ACBD6: variants seen among roughly 807,000 people sequenced by gnomAD.
The protein encoded by ACBD6 is acyl-CoA binding domain containing 6, also known as acyl-CoA-binding domain-containing protein 6.
ACBD6 carries 28 observed loss-of-function variants against 37.2 expected under a neutral mutation model. The observed-to-expected ratio is 0.75, with a 90% CI of 0.56 to 1.03. The LOEUF is 1.03. Among genes scored for constraint, ACBD6 ranks in the 50% least tolerant of loss-of-function variants. The pLI is 0.00. For synonymous variants in ACBD6, 113 were observed against 126.8 expected, an observed-to-expected ratio of 0.89 and a Z score of 0.73; for missense variants, 340 against 337.4, an observed-to-expected ratio of 1.01 and a Z score of -0.06.
intron 6 of ACBD6, among the ~76,000 whole-genome samples, chr1:180,376,442 A>G (rs1174454466): frequency 6.6e-6 from 1 of 152,218 alleles, no homozygotes; most frequent in Non-Finnish European, 1.5e-5. Flanking sequence ...TGCCCACAGA[A>G]TAGGAGAGTG....
chr1:180,304,512 A>G (rs1398572240), intron 7 of ACBD6, among the ~76,000 whole-genome samples: 7 of 150,796 alleles, frequency 4.6e-5, no homozygotes, highest in Non-Finnish European at 5.9e-5. Flanking sequence ...AACTGCTTCA[A>G]AGAGAATAAA....
At chr1:180,452,466 A>C (rs1649749928) in intron 3 of ACBD6, among the ~76,000 whole-genome samples, 1 of 151,608 alleles carries the variant, frequency 6.6e-6, no homozygotes, top group Non-Finnish European at 1.5e-5. Context: ...GTGAGACTCC[A>C]TCTCAAAAAA....
chr1:180,479,704 A>G (rs1650948743), intron 3 of ACBD6, among the ~76,000 whole-genome samples: 1 of 152,146 alleles, frequency 6.6e-6, no homozygotes, highest in Admixed American at 6.5e-5. Context: ...ATTTGTAGGA[A>G]AATACAAGCA....
At chr1:180,496,781 GAAGA>G (rs1364135518) in intron 1 of ACBD6, among the ~76,000 whole-genome samples, 2 of 152,262 alleles carry the variant, frequency 1.3e-5, no homozygotes, top group South Asian at 2.1e-4. Context: ...GGAATAGAGA[GAAGA>G]AAGGGTGAAA....
intron 6 of ACBD6, among the ~76,000 whole-genome samples, chr1:180,360,895 A>G (rs1326412892): frequency 6.6e-6 from 1 of 152,144 alleles, no homozygotes; most frequent in Non-Finnish European, 1.5e-5. Context: ...TTTTCCATCA[A>G]CGGATGTGTT....
chr1:180,382,761 A>G (rs1320954409), intron 6 of ACBD6, among the ~76,000 whole-genome samples: 1 of 152,232 alleles, frequency 6.6e-6, no homozygotes. Flanking sequence ...AAAAAAGAAA[A>G]CTACAGGCCA....
chr1:180,472,511 G>A (rs1036736620), intron 3 of ACBD6, among the ~76,000 whole-genome samples: 6 of 152,086 alleles, frequency 3.9e-5, no homozygotes, highest in African/African-American at 1.4e-4. Context: ...ACAAAGGCAG[G>A]CTGGGTGGTT....
chr1:180,299,920 A>G (rs1248434113), intron 7 of ACBD6, among the ~76,000 whole-genome samples: 1 of 152,212 alleles, frequency 6.6e-6, no homozygotes, highest in East Asian at 1.9e-4. Flanking sequence ...CAGGTAAAAT[A>G]TAGGCACATA....
intron 2 of ACBD6, among the ~76,000 whole-genome samples, chr1:180,493,781 T>C (rs1651620508): frequency 6.6e-6 from 1 of 152,184 alleles, no homozygotes; most frequent in African/African-American, 2.4e-5. Flanking sequence ...ACACACAGCA[T>C]TGAGTTTCAT....
At chr1:180,398,492 A>G (rs1227537733) in intron 5 of ACBD6, among the ~76,000 whole-genome samples, 1 of 152,186 alleles carries the variant, frequency 6.6e-6, no homozygotes, top group African/African-American at 2.4e-5. Context: ...TACCTCAAAA[A>G]CACTAGTACA....
chr1:180,424,412 G>A (rs536232465), intron 4 of ACBD6, among the ~76,000 whole-genome samples: 72 of 152,064 alleles, frequency 4.7e-4, no homozygotes, highest in African/African-American at 1.5e-3. Flanking sequence ...CATACCCTAC[G>A]TGTCAATTAA....
At chr1:180,365,275 C>T (rs913625989) in intron 6 of ACBD6, among the ~76,000 whole-genome samples, 3 of 152,158 alleles carry the variant, frequency 2.0e-5, no homozygotes, top group Non-Finnish European at 4.4e-5. Flanking sequence ...GATAGAAGAA[C>T]GTGCCCACGA....
intron 3 of ACBD6, among the ~76,000 whole-genome samples, chr1:180,461,511 G>C (rs556986653): frequency 6.6e-6 from 1 of 152,270 alleles, no homozygotes; most frequent in East Asian, 1.9e-4. Context: ...AAGGCAGCCA[G>C]AGAGAAAGGC....
At chr1:180,289,822 T>C (rs1442398530) in intron 7 of ACBD6, among the ~76,000 whole-genome samples, 2 of 152,208 alleles carry the variant, frequency 1.3e-5, no homozygotes, top group African/African-American at 2.4e-5. Context: ...GAAGAATACA[T>C]ATGATATCAT....
chr1:180,396,416 T>A, intron 6 of ACBD6, among the ~76,000 whole-genome samples: 1 of 151,750 alleles, frequency 6.6e-6, no homozygotes, highest in East Asian at 1.9e-4. Flanking sequence ...TATGACACCA[T>A]AAACAAAAGG....
intron 6 of ACBD6, among the ~76,000 whole-genome samples, chr1:180,324,595 TTCA>T (rs1196146920): frequency 6.6e-6 from 1 of 152,216 alleles, no homozygotes; most frequent in Non-Finnish European, 1.5e-5. Context: ...TTTTGATTGG[TTCA>T]TCAACTAGTC....
chr1:180,298,339 C>T (rs1297840798), intron 7 of ACBD6, among the ~76,000 whole-genome samples: 1 of 152,162 alleles, frequency 6.6e-6, no homozygotes, highest in Non-Finnish European at 1.5e-5. Flanking sequence ...TTGTATAAAT[C>T]TATAATACAC....
intron 6 of ACBD6, among the ~76,000 whole-genome samples, chr1:180,369,529 A>G (rs1653178417): frequency 1.3e-5 from 2 of 152,226 alleles, no homozygotes; most frequent in Non-Finnish European, 2.9e-5. Context: ...CGTATACCTC[A>G]GCTTTCTTCT....
At chr1:180,347,936 C>G (rs1000851002) in intron 6 of ACBD6, among the ~76,000 whole-genome samples, 1 of 150,994 alleles carries the variant, frequency 6.6e-6, no homozygotes, top group African/African-American at 2.5e-5. Context: ...CTGGGTGACA[C>G]AGCGAGACCC....
Sources: gnomAD v4.1 joint callset for allele counts (sites outside exome capture counted in the v4.1 genomes callset) on GRCh38, gnomAD v4.1.1 for gene constraint, MANE v1.5 for transcripts, NCBI Gene and HGNC (gene_info 2026-07-23, HGNC 2026-07-21) for gene names.